Variants in ZSWIM6 observed in about 807,000 individuals in gnomAD.
ZSWIM6 encodes the protein zinc finger SWIM domain-containing protein 6.
In ZSWIM6, 9 loss-of-function variants were observed where a neutral mutation model predicts 113.2. The ratio of observed to expected loss-of-function variants is 0.08; its 90% confidence interval spans 0.05 to 0.14. The LOEUF (loss-of-function observed/expected upper bound fraction) is 0.14, where lower values mean the gene tolerates loss of function less well. ZSWIM6 is among the 10% of genes least tolerant of loss of function. ZSWIM6 has a pLI of 1.00. For synonymous variants in ZSWIM6, 611 were observed against 606.5 expected (o/e 1.01, Z -0.11); for missense variants, 1,162 against 1,552.2 (o/e 0.75, Z 4.22).
At chr5:61,458,659 C>G (rs1986251) in intron 1 of ZSWIM6, among the ~76,000 whole-genome samples, 2,496 of 152,122 alleles carry the variant, frequency 0.016, 27 homozygotes, top group Non-Finnish European at 0.026. Flanking sequence ...AGGTGGATCA[C>G]TTGAGGTCAG....
chr5:61,369,752 T>C (rs974388497), intron 1 of ZSWIM6, among the ~76,000 whole-genome samples: 1 of 152,094 alleles, frequency 6.6e-6, no homozygotes, highest in Non-Finnish European at 1.5e-5. Context: ...CATGCGAAAA[T>C]AAAATGCATC....
intron 1 of ZSWIM6, among the ~76,000 whole-genome samples, chr5:61,440,606 C>T (rs1035607091): frequency 2.0e-5 from 3 of 152,098 alleles, no homozygotes; most frequent in Non-Finnish European, 2.9e-5. Flanking sequence ...TTAAATAAAC[C>T]TTGCTTTTAA....
At chr5:61,390,414 T>C (rs969981755) in intron 1 of ZSWIM6, among the ~76,000 whole-genome samples, 3 of 152,210 alleles carry the variant, frequency 2.0e-5, no homozygotes, top group Non-Finnish European at 2.9e-5. Flanking sequence ...TCCTCCAGTA[T>C]TAAATTTGAA....
At chr5:61,531,790 G>A in intron 9 of ZSWIM6, 65 bp downstream of exon 9, 1 of 1,509,104 alleles carries the variant, frequency 6.6e-7, no homozygotes, top group Non-Finnish European at 8.9e-7. Context: ...TCTTTCTTAT[G>A]TTAAAAGTGC....
intron 1 of ZSWIM6, among the ~76,000 whole-genome samples, chr5:61,440,833 G>T (rs1021607359): frequency 6.6e-6 from 1 of 152,104 alleles, no homozygotes; most frequent in Admixed American, 6.5e-5. Flanking sequence ...AGGTACTGGG[G>T]ACACAAAGAT....
chr5:61,513,634 C>G (rs960670496), intron 4 of ZSWIM6, among the ~76,000 whole-genome samples: 1 of 151,990 alleles, frequency 6.6e-6, no homozygotes, highest in Non-Finnish European at 1.5e-5. Context: ...TCATGATCCA[C>G]TTTGAGTTTT....
At chr5:61,449,733 A>T (rs1325685510) in intron 1 of ZSWIM6, among the ~76,000 whole-genome samples, 1 of 152,154 alleles carries the variant, frequency 6.6e-6, no homozygotes, top group Admixed American at 6.5e-5. Flanking sequence ...TGACTGTACA[A>T]AGCTTGATGG....
At chr5:61,430,497 G>A (rs898380543) in intron 1 of ZSWIM6, among the ~76,000 whole-genome samples, 12 of 152,098 alleles carry the variant, frequency 7.9e-5, no homozygotes, top group Middle Eastern at 3.2e-3. Context: ...GAAGCTGCTT[G>A]TGGTACAGTT....
At position 61,424,839 on chromosome 5, in the gene ZSWIM6, T is replaced by C. The variant is rs532618242; in HGVS notation, c.677-47842T>C. Reference sequence around the variant, plus strand: ...GCCTGCTGGGTTCCAGCAATTCTCCTGCCTCAGCCTCCTGGATAGCTGGGA... The same window carrying C: ...GCCTGCTGGGTTCCAGCAATTCTCCCGCCTCAGCCTCCTGGATAGCTGGGA... On this transcript the variant is annotated intron_variant, in intron 1 of 13. Transcript: ENST00000252744. Among the ~76,000 whole-genome samples, 4 of 151,558 alleles carry C rather than the reference T, an allele frequency of 2.6e-5. No homozygotes were observed. The East Asian group carries it at 5.8e-4, about 22-fold the overall frequency.
intron 1 of ZSWIM6, among the ~76,000 whole-genome samples, chr5:61,437,596 G>C (rs560394250): frequency 9.3e-4 from 141 of 151,676 alleles, no homozygotes; most frequent in African/African-American, 3.0e-3. Flanking sequence ...GGTAGCGTGT[G>C]CCTTGGTCCC....
At chr5:61,336,477 G>A (rs1249799222) in intron 1 of ZSWIM6, among the ~76,000 whole-genome samples, 3 of 152,146 alleles carry the variant, frequency 2.0e-5, no homozygotes, top group Non-Finnish European at 4.4e-5. Context: ...AATCAAAAGG[G>A]CCGGGCGCAG....
At chr5:61,493,887 C>T (rs1002335508) in intron 3 of ZSWIM6, among the ~76,000 whole-genome samples, 1 of 151,964 alleles carries the variant, frequency 6.6e-6, no homozygotes, top group Non-Finnish European at 1.5e-5. Flanking sequence ...AAAGTTTCTA[C>T]TGGACATATG....
chr5:61,427,405 G>T (rs1746484056), intron 1 of ZSWIM6, among the ~76,000 whole-genome samples: 1 of 152,124 alleles, frequency 6.6e-6, no homozygotes, highest in African/African-American at 2.4e-5. Flanking sequence ...TCATTCACAT[G>T]AATTCAATGT....
Position 61,332,521 on chromosome 5 carries a change from C to T in ZSWIM6, c.249C>T (p.Arg83=). 2 of 1,328,618 alleles carry T rather than the reference C, an allele frequency of 1.5e-6. No homozygotes were observed. The highest frequency in any genetic ancestry group is 1.3e-5 in the South Asian group (1 of 76,698). The allele number at this position is 1,328,618 out of a possible 1,614,324, so 82.3% of individuals were successfully genotyped here. A position where few individuals can be genotyped will look rare whatever the true frequency, so the allele number is the denominator to read the frequency against. Residue 83 remains arginine, a synonymous_variant, in exon 1 of 14, where the codon CGC becomes CGT. Coordinates refer to ENST00000252744, the MANE Select transcript of ZSWIM6 (RefSeq NM_020928.2). ...AGTCGCTGCTGGACATCGCGGCGCG[C>T]AGGGTGGCGGAGAAGTGGCCGTTCC... is the stretch of plus-strand genomic sequence containing the variant. ...SPESLLDIAA[R]RVAEKWPFQR...
chr5:61,521,491 A>G, intron 5 of ZSWIM6, 49 bp downstream of exon 5: 5 of 1,316,856 alleles, frequency 3.8e-6, no homozygotes, highest in Non-Finnish European at 4.9e-6. Flanking sequence ...TTAATTATGC[A>G]TATGTGCTTA....
At chr5:61,390,353 A>G (rs1328373238) in intron 1 of ZSWIM6, among the ~76,000 whole-genome samples, 1 of 152,246 alleles carries the variant, frequency 6.6e-6, no homozygotes, top group East Asian at 1.9e-4. Context: ...TGTGACTAGC[A>G]TTGTACTCAA....
intron 1 of ZSWIM6, among the ~76,000 whole-genome samples, chr5:61,334,001 A>T (rs987531447): frequency 6.6e-6 from 1 of 152,056 alleles, no homozygotes; most frequent in Non-Finnish European, 1.5e-5. Context: ...CTTTGTTCTC[A>T]TTTTCAGGTT....
At chr5:61,515,341 C>T (rs1396173364) in intron 4 of ZSWIM6, among the ~76,000 whole-genome samples, 1 of 152,058 alleles carries the variant, frequency 6.6e-6, no homozygotes, top group African/African-American at 2.4e-5. Context: ...CCATGTTGGC[C>T]GTTGGAGTTT....
chr5:61,531,100 G>C (rs1438329699), intron 8 of ZSWIM6, among the ~76,000 whole-genome samples: 1 of 152,186 alleles, frequency 6.6e-6, no homozygotes, highest in Non-Finnish European at 1.5e-5. Context: ...TGAATGCCAG[G>C]ATTTAAAAAG....
Sources: gnomAD v4.1 joint callset for allele counts (sites outside exome capture counted in the v4.1 genomes callset) on GRCh38, gnomAD v4.1.1 for gene constraint, MANE v1.5 for transcripts, NCBI Gene and HGNC (gene_info 2026-07-23, HGNC 2026-07-21) for gene names.